FYTTD1: variants seen among roughly 807,000 people sequenced by gnomAD.
FYTTD1 encodes forty-two-three domain containing 1, also known as UAP56-interacting factor.
A neutral mutation model predicts 40.9 loss-of-function variants in FYTTD1; 22 were observed. The ratio of observed to expected loss-of-function variants is 0.54; its 90% confidence interval spans 0.38 to 0.77. The LOEUF is 0.77. Ranked by LOEUF, FYTTD1 falls within the 30% of genes least tolerant of loss-of-function variation. The pLI, the probability that FYTTD1 is intolerant of heterozygous loss-of-function variation, is 0.00. For missense variants in FYTTD1, 351 were observed against 392.2 expected, an observed-to-expected ratio of 0.90 and a Z score of 0.89; for synonymous variants, 140 against 137.9, an observed-to-expected ratio of 1.01 and a Z score of -0.10.
At chr3:197,772,380 A>G (rs1219420926) in intron 4 of FYTTD1, among the ~76,000 whole-genome samples, 1 of 152,220 alleles carries the variant, frequency 6.6e-6, no homozygotes. Context: ...AGGATTGAAT[A>G]TTTCATAGAT....
chr3:197,757,191 C>G (rs777811500), intron 2 of FYTTD1, among the ~76,000 whole-genome samples: 17 of 152,150 alleles, frequency 1.1e-4, no homozygotes, highest in Non-Finnish European at 2.4e-4. Flanking sequence ...ATGTGGAACT[C>G]TACACATTTA....
rs1432390102 is a variant in FYTTD1 at position 197,787,323 on chromosome 3, C to CA, written c.*5417dup. On this transcript the variant is annotated 3_prime_UTR_variant, in exon 9 of 9. Transcript: ENST00000241502. ...TTCACCATATTGGCCAGTCTAGTCTCAAACTCCTGACCTCAGGTGATATGC... is the reference window on the plus strand; with the variant it reads ...TTCACCATATTGGCCAGTCTAGTCTCAAAACTCCTGACCTCAGGTGATATGC... 2 of 152,086 alleles carry CA rather than the reference C, an allele frequency of 1.3e-5. No individual in the cohort carries two copies. Among genetic ancestry groups the CA allele is most frequent in the Non-Finnish European group, 2.9e-5 (2 of 68,048 alleles). The allele number at this position is 152,086 out of a possible 1,614,324, so 9.4% of individuals were successfully genotyped here.
intron 3 of FYTTD1, among the ~76,000 whole-genome samples, chr3:197,768,803 G>GTTT (rs1281069930): frequency 6.6e-6 from 1 of 152,080 alleles, no homozygotes; most frequent in Admixed American, 6.6e-5. Context: ...GTTTGTTTTT[G>GTTT]TTTTTTATAT....
In FYTTD1 at chr3:197,770,328, A is replaced by G. The variant is rs1264818463; in HGVS notation, c.497+84A>G. Reference sequence around the variant, plus strand: ...TGGTGTGAAGAATGGATTTGCAGTGATTTTTTTAGTTATCTGGTCATTTTC... The same window carrying G: ...TGGTGTGAAGAATGGATTTGCAGTGGTTTTTTTAGTTATCTGGTCATTTTC... On this transcript the variant is annotated intron_variant, in intron 4 of 8. Transcript: ENST00000241502. 7.2e-6 allele frequency: 6 copies of G among 833,466 alleles called. No individual in the cohort carries two copies. In the South Asian group the frequency reaches 8.1e-5, roughly 11 times the overall value. 51.6% of individuals were successfully genotyped at this position (833,466 alleles called of 1,614,324 possible).
chr3:197,774,430 C>T (rs1560499579), intron 6 of FYTTD1, among the ~76,000 whole-genome samples: 1 of 152,320 alleles, frequency 6.6e-6, no homozygotes, highest in East Asian at 1.9e-4. Flanking sequence ...CTGTGAAGTG[C>T]CATAATGTCA....
intron 4 of FYTTD1, among the ~76,000 whole-genome samples, chr3:197,771,184 C>T (rs1025153049): frequency 1.3e-5 from 2 of 151,986 alleles, no homozygotes; most frequent in African/African-American, 2.4e-5. Flanking sequence ...TAGTGAGACC[C>T]CCATCTCTGA....
chr3:197,765,495 A>T (rs780145718), intron 2 of FYTTD1, among the ~76,000 whole-genome samples: 2 of 152,146 alleles, frequency 1.3e-5, no homozygotes, highest in African/African-American at 2.4e-5. Flanking sequence ...TTTTCCCAAT[A>T]TGGTTTAATC....
chr3:197,759,533 T>G (rs1327800259), intron 2 of FYTTD1, among the ~76,000 whole-genome samples: 1 of 152,048 alleles, frequency 6.6e-6, no homozygotes, highest in African/African-American at 2.4e-5. Flanking sequence ...TGGTAGAACG[T>G]ATGGAGTTGT....
At chr3:197,771,683 A>G (rs1199718484) in intron 4 of FYTTD1, among the ~76,000 whole-genome samples, 1 of 145,418 alleles carries the variant, frequency 6.9e-6, no homozygotes, top group Non-Finnish European at 1.5e-5. Context: ...AGGCTGAGGC[A>G]GGAGAATGGC....
chr3:197,749,967 C>T lies in FYTTD1; in HGVS notation c.-5C>T. Reference sequence around the variant, plus strand: ...GCGCCCGCTCTCGGCGCGACGTCTCCAGCCATGAACCGGTTTGGTACCCGG... The same window carrying T: ...GCGCCCGCTCTCGGCGCGACGTCTCTAGCCATGAACCGGTTTGGTACCCGG... On this transcript the variant is annotated 5_prime_UTR_variant, in exon 1 of 9. Transcript: ENST00000241502. The T allele has an allele frequency of 1.3e-6, 2 of 1,567,464 alleles. No homozygotes were observed. Among genetic ancestry groups the T allele is most frequent in the South Asian group, 1.2e-5 (1 of 86,740 alleles).
intron 6 of FYTTD1, 67 bp downstream of exon 6, chr3:197,774,277 C>T (rs1376449560): frequency 5.6e-6 from 7 of 1,254,178 alleles, no homozygotes; most frequent in African/African-American, 1.5e-5. Flanking sequence ...CCCAAATTAT[C>T]ATGTACCTCA....
At chr3:197,779,565 C>T (rs1161203364) in intron 8 of FYTTD1, among the ~76,000 whole-genome samples, 1 of 132,642 alleles carries the variant, frequency 7.5e-6, no homozygotes, top group African/African-American at 2.8e-5. Flanking sequence ...CAGTCTCACT[C>T]TGTCACCAGG....
chr3:197,767,080 T>A (rs1729572835), intron 2 of FYTTD1, among the ~76,000 whole-genome samples: 1 of 152,264 alleles, frequency 6.6e-6, no homozygotes, highest in Middle Eastern at 3.4e-3. Context: ...TACCCCCTTT[T>A]TTTTTTTAAC....
intron 7 of FYTTD1, among the ~76,000 whole-genome samples, chr3:197,777,975 G>C (rs1483716455): frequency 6.6e-6 from 1 of 152,158 alleles, no homozygotes; most frequent in East Asian, 1.9e-4. Context: ...GCCTCCCAAA[G>C]TACCGGGATT....
At chr3:197,764,738 CACCTTGGAT>C (rs1251103635) in intron 2 of FYTTD1, among the ~76,000 whole-genome samples, 1 of 144,710 alleles carries the variant, frequency 6.9e-6, no homozygotes, top group African/African-American at 2.6e-5. Flanking sequence ...GAGGAGGCAA[CACCTTGGAT>C]AAGAGAAAAA....
At chr3:197,753,517 C>A (rs1475457142) in intron 1 of FYTTD1, among the ~76,000 whole-genome samples, 5 of 151,284 alleles carry the variant, frequency 3.3e-5, no homozygotes, top group African/African-American at 1.2e-4. Flanking sequence ...TAAAATAGCT[C>A]ATTGTAAGGA....
chr3:197,755,875 A>C, intron 1 of FYTTD1: 2 of 1,538,170 alleles, frequency 1.3e-6, no homozygotes, highest in Non-Finnish European at 1.8e-6. Flanking sequence ...TTGGGAAGTA[A>C]GTAGGAAAAT....
chr3:197,767,264 G>A (rs1322648889), intron 2 of FYTTD1, among the ~76,000 whole-genome samples: 2 of 151,706 alleles, frequency 1.3e-5, no homozygotes, highest in East Asian at 1.9e-4. Context: ...TCAGCCTCCC[G>A]AGTAGCTGGG....
At chr3:197,774,589 C>G (rs1182759600) in intron 6 of FYTTD1, among the ~76,000 whole-genome samples, 1 of 151,180 alleles carries the variant, frequency 6.6e-6, no homozygotes, top group South Asian at 2.1e-4. Flanking sequence ...CAGCATAGCT[C>G]GATGACCAGT....
Sources: allele counts gnomAD v4.1 joint callset (sites outside exome capture counted in the v4.1 genomes callset), GRCh38; gene constraint gnomAD v4.1.1; transcripts MANE v1.5; gene names NCBI Gene and HGNC (gene_info 2026-07-23, HGNC 2026-07-21).